The following ARPP21 variants were observed in gnomAD, a reference collection of about 807,000 sequenced individuals.
ARPP21 encodes cAMP regulated phosphoprotein 21.
A neutral mutation model predicts 113.2 loss-of-function variants in ARPP21; 69 were observed. The ratio of observed to expected loss-of-function variants is 0.61; its 90% confidence interval spans 0.50 to 0.74. The LOEUF is 0.74. ARPP21 is among the 30% of genes least tolerant of loss of function. ARPP21 has a pLI of 0.00. For synonymous variants in ARPP21, 368 were observed against 375.5 expected, an observed-to-expected ratio of 0.98 and a Z score of 0.23; for missense variants, 1,070 against 1,037.4, an observed-to-expected ratio of 1.03 and a Z score of -0.43.
intron 15 of ARPP21, among the ~76,000 whole-genome samples, chr3:35,730,945 G>A (rs1472429471): frequency 6.6e-6 from 1 of 152,118 alleles, no homozygotes; most frequent in Non-Finnish European, 1.5e-5. Flanking sequence ...TTCTAAGGAG[G>A]ATTTTTAGAT....
At position 35,683,830 on chromosome 3, in the gene ARPP21, C is replaced by A. The variant is rs770912517; in HGVS notation, c.261+15C>A. On this transcript the variant is annotated intron_variant, in intron 5 of 20. Transcript: ENST00000684406. ...TTCAGGATCAGGTATATCCCCTTGC[C>A]ATTATCATTAATTGCATGAATGGGA... is the stretch of plus-strand genomic sequence containing the variant. 2.5e-6 allele frequency: 3 copies of A among 1,213,814 alleles called. No individual in the cohort carries two copies. The highest frequency in any genetic ancestry group is 2.4e-6 in the Non-Finnish European group (2 of 817,166). 75.2% of individuals were successfully genotyped at this position (1,213,814 alleles called of 1,614,324 possible).
chr3:35,792,382 G>A lies in ARPP21; in HGVS notation c.2138G>A (p.Gly713Asp). 3 of 1,613,778 alleles carry A rather than the reference G, an allele frequency of 1.9e-6. No homozygotes were observed. The highest frequency in any genetic ancestry group is 2.5e-6 in the Non-Finnish European group (3 of 1,179,750). ...TTCAAAAGATCTCTTTTCTTCGCAG[G>A]TTACCAGCCAGTCTTGTCTGGTCAA... ...QQMPQAAQQA[G>D]YQPVLSGQQG... The change falls in exon 20 of 21, where the codon GGT becomes GAT. Residue 713 changes from glycine to aspartate, a missense_variant and splice_region_variant. Gly to Asp is a moderately conservative substitution (Grantham distance 94). Transcript: ENST00000684406.
intron 19 of ARPP21, among the ~76,000 whole-genome samples, chr3:35,749,592 A>G (rs930274435): frequency 6.6e-6 from 1 of 152,066 alleles, no homozygotes; most frequent in African/African-American, 2.4e-5. Context: ...TTGGAAAGAG[A>G]TTGTATAAAA....
intron 17 of ARPP21, 80 bp downstream of exon 17, chr3:35,738,398 C>CACCCACCCCAGTGTCAGCCAG: frequency 1.6e-6 from 2 of 1,219,128 alleles, no homozygotes; most frequent in Non-Finnish European, 2.3e-6. Flanking sequence ...GTGCCACTGG[C>CACCCACCCCAGTGTCAGCCAG]TGACACTGGG....
At chr3:35,724,385 G>C (rs2093367850) in intron 14 of ARPP21, among the ~76,000 whole-genome samples, 1 of 152,092 alleles carries the variant, frequency 6.6e-6, no homozygotes, top group African/African-American at 2.4e-5. Flanking sequence ...TACCACATTG[G>C]CCTAGCTATA....
intron 19 of ARPP21, among the ~76,000 whole-genome samples, chr3:35,776,787 A>G (rs932906391): frequency 6.6e-6 from 1 of 152,082 alleles, no homozygotes; most frequent in African/African-American, 2.4e-5. Flanking sequence ...TCCTAAAATT[A>G]CAGCCCAGAA....
chr3:35,776,278 T>A (rs2096364282), intron 19 of ARPP21, among the ~76,000 whole-genome samples: 1 of 152,146 alleles, frequency 6.6e-6, no homozygotes, highest in Non-Finnish European at 1.5e-5. Flanking sequence ...GCACAAAAAA[T>A]TTACAAAATG....
intron 9 of ARPP21, among the ~76,000 whole-genome samples, chr3:35,691,466 C>T (rs2082221382): frequency 6.6e-6 from 1 of 151,554 alleles, no homozygotes; most frequent in Non-Finnish European, 1.5e-5. Context: ...AGGCAGAAAT[C>T]CTGCCTCTAA....
At position 35,640,030 on chromosome 3, in the gene ARPP21, G is replaced by C. The variant is rs1697556345; in HGVS notation, c.-581G>C. 1.3e-5 allele frequency: 2 copies of C among 152,376 alleles called. No individual in the cohort carries two copies. Among genetic ancestry groups the C allele is most frequent in the Admixed American group, 6.5e-5 (1 of 15,290 alleles). 9.4% of individuals were successfully genotyped at this position (152,376 alleles called of 1,614,324 possible). A position where few individuals can be genotyped will look rare whatever the true frequency, so the allele number is the denominator to read the frequency against. On this transcript the variant is annotated 5_prime_UTR_variant, in exon 1 of 21. Transcript: ENST00000684406. The stretch of plus-strand genomic sequence containing the variant: ...GGCGGGGGCGCGTTCACTCCCGGCG[G>C]CCAGCCGGCCAGAGAAGGCGGCGGT...
At chr3:35,738,191 G>A in intron 16 of ARPP21, 23 bp from the exon 17 acceptor site, 2 of 1,453,002 alleles carry the variant, frequency 1.4e-6, no homozygotes, top group Middle Eastern at 1.7e-4. Flanking sequence ...TCTGTCAGCT[G>A]ATCAATTTTT....
At chr3:35,759,676 C>CTGTGTGTGTGTGTGTGTGTG (rs57456659) in intron 19 of ARPP21, among the ~76,000 whole-genome samples, 22 of 140,786 alleles carry the variant, frequency 1.6e-4, no homozygotes, top group Non-Finnish European at 2.3e-4. Context: ...TTTTCTCTCT[C>CTGTGTGTGTGTGTGTGTGTG]TGTGTGTGTG....
intron 15 of ARPP21, 29 bp downstream of exon 15, chr3:35,729,565 A>G (rs1408808757): frequency 3.2e-6 from 5 of 1,553,648 alleles, no homozygotes; most frequent in Non-Finnish European, 4.4e-6. Context: ...TATCAGGGAC[A>G]CAAGGCTTTC....
chr3:35,736,016 C>T (rs1208537702), intron 15 of ARPP21, among the ~76,000 whole-genome samples: 2 of 152,110 alleles, frequency 1.3e-5, no homozygotes, highest in Non-Finnish European at 2.9e-5. Context: ...TCCATGTACT[C>T]ATTATGTAAA....
intron 15 of ARPP21, among the ~76,000 whole-genome samples, chr3:35,731,674 G>T (rs1215592062): frequency 1.3e-5 from 2 of 152,064 alleles, no homozygotes; most frequent in Non-Finnish European, 2.9e-5. Context: ...TGATGTACGT[G>T]TATCTACCTA....
intron 18 of ARPP21, among the ~76,000 whole-genome samples, chr3:35,742,081 C>A (rs1236543311): frequency 6.6e-6 from 1 of 152,128 alleles, no homozygotes; most frequent in Non-Finnish European, 1.5e-5. Flanking sequence ...TTATTGTAAC[C>A]ATTAGTCCTC....
At chr3:35,746,941 G>A (rs1222142971) in intron 19 of ARPP21, among the ~76,000 whole-genome samples, 2 of 152,178 alleles carry the variant, frequency 1.3e-5, no homozygotes, top group Non-Finnish European at 2.9e-5. Context: ...GCACAGTAGG[G>A]AGACATAAGT....
intron 9 of ARPP21, among the ~76,000 whole-genome samples, chr3:35,705,767 T>G (rs1441442766): frequency 3.3e-5 from 5 of 152,178 alleles, no homozygotes; most frequent in Non-Finnish European, 7.3e-5. Context: ...TGACACCATG[T>G]TCCAAAAATT....
chr3:35,656,041 A>C (rs1704711534), intron 1 of ARPP21, among the ~76,000 whole-genome samples: 1 of 152,108 alleles, frequency 6.6e-6, no homozygotes, highest in Admixed American at 6.6e-5. Context: ...GAATATTATA[A>C]AATTTCAAAA....
chr3:35,688,132 G>C (rs1027816717), intron 6 of ARPP21, among the ~76,000 whole-genome samples: 9 of 151,478 alleles, frequency 5.9e-5, no homozygotes, highest in African/African-American at 2.2e-4. Flanking sequence ...TTAATCTTCT[G>C]TTTTCAGTGA....
Sources: gnomAD v4.1 joint callset for allele counts (sites outside exome capture counted in the v4.1 genomes callset) on GRCh38, gnomAD v4.1.1 for gene constraint, MANE v1.5 for transcripts, NCBI Gene and HGNC (gene_info 2026-07-23, HGNC 2026-07-21) for gene names.